Variants in EREG observed in about 807,000 individuals in gnomAD.
EREG encodes proepiregulin.
Under a neutral mutation model 22.4 loss-of-function variants are expected in EREG, and 23 were observed. That is an observed-to-expected ratio of 1.03 (90% CI 0.74 to 1.46). The LOEUF (loss-of-function observed/expected upper bound fraction) is 1.46. Among genes scored for constraint, EREG ranks in the 40% most tolerant of loss-of-function variants. The pLI is 0.00. For missense variants in EREG, 226 were observed against 205.9 expected (o/e 1.10, Z -0.60); for synonymous variants, 100 against 75.4 (o/e 1.33, Z -1.69).
intron 1 of EREG, among the ~76,000 whole-genome samples, chr4:74,375,358 G>T (rs922677030): frequency 6.2e-5 from 7 of 112,568 alleles, no homozygotes; most frequent in African/African-American, 2.4e-4. Context: ...TTCCTCTGTC[G>T]CCCAGGCTGG....
chr4:74,368,898 A>G (rs966953030), intron 1 of EREG, among the ~76,000 whole-genome samples: 1 of 152,168 alleles, frequency 6.6e-6, no homozygotes, highest in African/African-American at 2.4e-5. Flanking sequence ...TGACATGGCA[A>G]TTCTGGAACC....
intron 4 of EREG, among the ~76,000 whole-genome samples, chr4:74,384,422 C>A (rs780309256): frequency 1.3e-5 from 2 of 152,058 alleles, no homozygotes; most frequent in African/African-American, 2.4e-5. Context: ...AAAAAGAAAA[C>A]CTAAAATTCA....
In EREG at chr4:74,370,101, G is replaced by A. The variant is rs529677684; in HGVS notation, c.67+4726G>A. On this transcript the variant is annotated intron_variant, in intron 1 of 4. Transcript: ENST00000244869. ...TATCCTTTACTGTCAATGCCCTCAAGTCACTCTTTACTTTTGGTGAAAGTA... is the reference window on the plus strand; with the variant it reads ...TATCCTTTACTGTCAATGCCCTCAAATCACTCTTTACTTTTGGTGAAAGTA... 3.3e-5 allele frequency among the ~76,000 whole-genome samples: 5 copies of A among 152,264 alleles called. No homozygotes were observed. In the East Asian group the frequency reaches 7.7e-4, roughly 24 times the overall value.
intron 1 of EREG, among the ~76,000 whole-genome samples, chr4:74,374,086 A>C (rs1435488826): frequency 6.6e-6 from 1 of 152,176 alleles, no homozygotes; most frequent in African/African-American, 2.4e-5. Flanking sequence ...GTGAACAAAG[A>C]GGATTTTGCT....
intron 1 of EREG, among the ~76,000 whole-genome samples, chr4:74,373,933 G>A (rs1484527127): frequency 2.0e-5 from 3 of 152,094 alleles, no homozygotes; most frequent in African/African-American, 7.2e-5. Context: ...TCCAAAAACA[G>A]TGAAGGCATA....
At chr4:74,373,456 G>C (rs1288965704) in intron 1 of EREG, among the ~76,000 whole-genome samples, 1 of 151,266 alleles carries the variant, frequency 6.6e-6, no homozygotes, top group Non-Finnish European at 1.5e-5. Flanking sequence ...TATTAACCTT[G>C]GGTTTCATAT....
intron 1 of EREG, among the ~76,000 whole-genome samples, chr4:74,378,338 G>T (rs1265386507): frequency 6.6e-6 from 1 of 152,064 alleles, no homozygotes; most frequent in South Asian, 2.1e-4. Context: ...ATGTCCAACC[G>T]ACTAAACAAA....
chr4:74,380,783 T>C (rs1290336938), intron 2 of EREG, among the ~76,000 whole-genome samples: 1 of 152,238 alleles, frequency 6.6e-6, no homozygotes, highest in African/African-American at 2.4e-5. Flanking sequence ...AATCCTTTCA[T>C]GTTATCTTCT....
rs567355278 is a variant in EREG at position 74,367,750 on chromosome 4, T to G, written c.67+2375T>G. On this transcript the variant is annotated intron_variant, in intron 1 of 4. Transcript: ENST00000244869. Reference sequence around the variant, plus strand: ...GCACAACCTGAGATGACAAATCTTGTCAGAAAACGTGATGACAGGCCTTTC... The same window carrying G: ...GCACAACCTGAGATGACAAATCTTGGCAGAAAACGTGATGACAGGCCTTTC... 5.3e-5 allele frequency among the ~76,000 whole-genome samples: 8 copies of G among 152,280 alleles called. No individual in the cohort carries two copies. In the South Asian group the frequency reaches 1.7e-3, roughly 32 times the overall value.
chr4:74,372,024 C>A (rs763908568), intron 1 of EREG, among the ~76,000 whole-genome samples: 5 of 152,122 alleles, frequency 3.3e-5, no homozygotes, highest in Non-Finnish European at 5.9e-5. Flanking sequence ...AGACAACGCT[C>A]AATAGATATT....
intron 1 of EREG, among the ~76,000 whole-genome samples, chr4:74,371,979 T>C (rs1164752383): frequency 1.3e-5 from 2 of 152,180 alleles, no homozygotes. Flanking sequence ...TTGTACCAGT[T>C]TTCTTTCCAG....
intron 1 of EREG, among the ~76,000 whole-genome samples, chr4:74,367,021 C>T (rs994686293): frequency 6.6e-6 from 1 of 152,136 alleles, no homozygotes; most frequent in Non-Finnish European, 1.5e-5. Context: ...TGCCTTCTTT[C>T]CCCCAAACAA....
At chr4:74,384,229 A>G (rs1409286699) in intron 4 of EREG, among the ~76,000 whole-genome samples, 1 of 152,224 alleles carries the variant, frequency 6.6e-6, no homozygotes, top group Non-Finnish European at 1.5e-5. Context: ...GTGAGAGTAA[A>G]ATAAATAATG....
chr4:74,376,227 AG>A (rs1752381164), intron 1 of EREG, among the ~76,000 whole-genome samples: 1 of 152,234 alleles, frequency 6.6e-6, no homozygotes, highest in South Asian at 2.1e-4. Context: ...AATTCCAAGC[AG>A]GAAAGGTTAG....
At chr4:74,370,452 A>T (rs577402367) in intron 1 of EREG, among the ~76,000 whole-genome samples, 3 of 152,252 alleles carry the variant, frequency 2.0e-5, no homozygotes, top group Admixed American at 2.0e-4. Flanking sequence ...ATTAAAAAAG[A>T]TATTTTGAGA....
Position 74,373,493 on chromosome 4 carries a change from T to G in EREG, c.68-5955T>G, listed in dbSNP as rs563878014. ...TTTTATCTCAAATTGCTATAGACCG[T>G]TTTTACCTTAGGTCTTAATGAAGTG... On this transcript the variant is annotated intron_variant, in intron 1 of 4. Transcript: ENST00000244869. Among the ~76,000 whole-genome samples the G allele has an allele frequency of 5.3e-5, 8 of 151,658 alleles. No individual in the cohort carries two copies. The East Asian group carries it at 1.4e-3, about 26-fold the overall frequency.
chr4:74,373,267 C>T (rs538898048), intron 1 of EREG, among the ~76,000 whole-genome samples: 27 of 151,838 alleles, frequency 1.8e-4, no homozygotes, highest in African/African-American at 5.8e-4. Context: ...AATATGTAAG[C>T]GAAATATATT....
chr4:74,381,311 A>G (rs1560599595), intron 3 of EREG, 174 bp downstream of exon 3: 2 of 535,874 alleles, frequency 3.7e-6, no homozygotes, highest in East Asian at 3.2e-5. Flanking sequence ...TCATCCCTTA[A>G]CCCCCCCAAA....
rs1479251438 is a variant in EREG at position 74,384,812 on chromosome 4, G to A, written c.*4G>A. On this transcript the variant is annotated 3_prime_UTR_variant, in exon 5 of 5. Transcript: ENST00000244869. ...TCCAGAGTTGCCGCAAGTCTGAATG[G>A]CGCCATCAAACTTATGGGCAGGGAT... is the stretch of plus-strand genomic sequence containing the variant. The A allele has an allele frequency of 2.5e-6, 4 of 1,594,538 alleles. No homozygotes were observed. The highest frequency in any genetic ancestry group is 3.4e-6 in the Non-Finnish European group (4 of 1,162,830).
Sources: gnomAD v4.1 joint callset for allele counts (sites outside exome capture counted in the v4.1 genomes callset) on GRCh38, gnomAD v4.1.1 for gene constraint, MANE v1.5 for transcripts, NCBI Gene and HGNC (gene_info 2026-07-23, HGNC 2026-07-21) for gene names.